SLC25A48: variants seen among roughly 807,000 people sequenced by gnomAD.
SLC25A48 encodes solute carrier family 25 member 48, also known as CTC-321K16.1.
In SLC25A48, 29 loss-of-function variants were observed where a neutral mutation model predicts 32.2. The observed-to-expected ratio is 0.90, with a 90% CI of 0.67 to 1.23. The LOEUF (loss-of-function observed/expected upper bound fraction) is 1.23. Among genes scored for constraint, SLC25A48 ranks in the 50% most tolerant of loss-of-function variants. SLC25A48 has a pLI of 0.00. For synonymous variants in SLC25A48, 164 were observed against 172.3 expected (o/e 0.95, Z 0.38); for missense variants, 399 against 422.7 (o/e 0.94, Z 0.49).
At chr5:135,617,828 T>A (rs778555552) in intron 1 of SLC25A48, among the ~76,000 whole-genome samples, 2 of 152,020 alleles carry the variant, frequency 1.3e-5, no homozygotes, top group Non-Finnish European at 2.9e-5. Flanking sequence ...ATTTTGGTTT[T>A]AAAAAAAGTT....
At chr5:135,795,841 C>A (rs1425002050) in intron 3 of SLC25A48, among the ~76,000 whole-genome samples, 1 of 148,190 alleles carries the variant, frequency 6.7e-6, no homozygotes, top group African/African-American at 2.5e-5. Context: ...TGATATTACT[C>A]CCCATATCGC....
intron 3 of SLC25A48, among the ~76,000 whole-genome samples, chr5:135,794,511 A>C (rs11948578): frequency 0.77 from 116,388 of 151,272 alleles, 45,090 homozygotes; most frequent in Middle Eastern, 0.86. Flanking sequence ...TGTACACCTT[A>C]CTTGTGATAT....
chr5:135,693,512 G>A (rs4976319), intron 3 of SLC25A48, among the ~76,000 whole-genome samples: 120,281 of 152,174 alleles, frequency 0.79, 47,950 homozygotes, highest in Middle Eastern at 0.88. Flanking sequence ...ATGTGTCCAG[G>A]CTTGCCAGCC....
intron 6 of SLC25A48, chr5:135,876,095 G>A (rs922896290): frequency 2.0e-5 from 3 of 149,044 alleles, no homozygotes; most frequent in African/African-American, 2.5e-5. Context: ...GCCCTGGTGC[G>A]GCCTCAATTG....
At chr5:135,623,832 C>A (rs1408133321) in intron 1 of SLC25A48, among the ~76,000 whole-genome samples, 2 of 152,268 alleles carry the variant, frequency 1.3e-5, no homozygotes. Flanking sequence ...TATGCCTGAC[C>A]TGTGCAGCAA....
chr5:135,765,855 G>A (rs2127022168), intron 3 of SLC25A48, among the ~76,000 whole-genome samples: 1 of 150,648 alleles, frequency 6.6e-6, no homozygotes, highest in South Asian at 2.1e-4. Flanking sequence ...AAAGGAGAGG[G>A]GGATACTATT....
At chr5:135,821,835 G>A (rs1298581796) in intron 4 of SLC25A48, 2 of 152,312 alleles carry the variant, frequency 1.3e-5, no homozygotes, top group African/African-American at 4.8e-5. Flanking sequence ...GGCCTGCCGA[G>A]GGAGGCTTTG....
chr5:135,661,575 C>G (rs1196479088), intron 3 of SLC25A48, among the ~76,000 whole-genome samples: 1 of 152,196 alleles, frequency 6.6e-6, no homozygotes, highest in Non-Finnish European at 1.5e-5. Context: ...TGGCACATCA[C>G]TGTATAAAGC....
At chr5:135,865,829 A>G (rs761002754) in intron 4 of SLC25A48, among the ~76,000 whole-genome samples, 5 of 152,226 alleles carry the variant, frequency 3.3e-5, no homozygotes, top group African/African-American at 1.2e-4. Flanking sequence ...ATCGAACAGC[A>G]GCTGTACTTT....
At chr5:135,594,055 C>T (rs571392923) in intron 1 of SLC25A48, among the ~76,000 whole-genome samples, 6 of 152,244 alleles carry the variant, frequency 3.9e-5, no homozygotes, top group African/African-American at 7.2e-5. Context: ...AACAGTCCCC[C>T]GAGGGATAGC....
intron 1 of SLC25A48, among the ~76,000 whole-genome samples, chr5:135,602,353 G>A (rs1334428981): frequency 6.6e-6 from 1 of 152,204 alleles, no homozygotes; most frequent in African/African-American, 2.4e-5. Context: ...CAGGTGAGTG[G>A]ACTTCTGCAG....
chr5:135,879,058 A>C (rs1325165247), intron 6 of SLC25A48, among the ~76,000 whole-genome samples: 6 of 152,196 alleles, frequency 3.9e-5, no homozygotes, highest in Admixed American at 2.0e-4. Flanking sequence ...GGAAGATCAT[A>C]GGCAGTGTTT....
chr5:135,767,395 G>T (rs1390392503), intron 3 of SLC25A48, among the ~76,000 whole-genome samples: 1 of 151,910 alleles, frequency 6.6e-6, no homozygotes, highest in Non-Finnish European at 1.5e-5. Flanking sequence ...ATTGCGGGCG[G>T]TGCACACACC....
chr5:135,590,801 C>A (rs1473594998), intron 1 of SLC25A48, among the ~76,000 whole-genome samples: 6 of 152,244 alleles, frequency 3.9e-5, no homozygotes, highest in African/African-American at 1.4e-4. Context: ...CCATGGCTCT[C>A]AGGCAGGGCA....
Position 135,876,983 on chromosome 5 carries a change from A to G in SLC25A48, c.813+2829A>G, listed in dbSNP as rs574520516. ...AGGCCCAAAGCCCATCATCATTCCA[A>G]TCTGTTCTCACCTTGCTATGGAGGA... On this transcript the variant is annotated intron_variant, in intron 6 of 7. Transcript: ENST00000681962. Among the ~76,000 whole-genome samples, 7 of 152,278 alleles carry G rather than the reference A, an allele frequency of 4.6e-5. No homozygotes were observed. The East Asian group carries it at 1.2e-3, about 25-fold the overall frequency.
chr5:135,818,594 TA>T lies in SLC25A48; in HGVS notation c.-117+5671del, dbSNP rs368652007. 8.5e-4 allele frequency among the ~76,000 whole-genome samples: 130 copies of T among 152,306 alleles called. 5 individuals are homozygous for T. In the South Asian group the frequency reaches 0.025, roughly 30 times the overall value. ...AAACCTAACTAAATTGATTTCCTGA[TA>T]AAGCTAAAACATCAGCTCTCTACAG... is the stretch of plus-strand genomic sequence containing the variant. On this transcript the variant is annotated intron_variant, in intron 4 of 10. Transcript: ENST00000646290.
chr5:135,695,391 T>A (rs528268080), intron 3 of SLC25A48, among the ~76,000 whole-genome samples: 39 of 152,254 alleles, frequency 2.6e-4, no homozygotes, highest in Admixed American at 1.8e-3. Context: ...CAGAGTCTGT[T>A]CTCAATAAGA....
chr5:135,833,524 G>T (rs948436058), upstream of SLC25A48, among the ~76,000 whole-genome samples: 2 of 152,242 alleles, frequency 1.3e-5, no homozygotes, highest in Admixed American at 6.5e-5. Flanking sequence ...ACAGCTTGGG[G>T]TTGATGCTGA....
chr5:135,819,634 G>T (rs1193797769), intron 4 of SLC25A48, among the ~76,000 whole-genome samples: 1 of 152,150 alleles, frequency 6.6e-6, no homozygotes, highest in East Asian at 1.9e-4. Context: ...AGAAAATTTT[G>T]GGGGTTGATA....
Sources: gnomAD v4.1 joint callset for allele counts (sites outside exome capture counted in the v4.1 genomes callset) on GRCh38, gnomAD v4.1.1 for gene constraint, MANE v1.5 for transcripts, NCBI Gene and HGNC (gene_info 2026-07-23, HGNC 2026-07-21) for gene names.